MYLIP: variants seen among roughly 807,000 people sequenced by gnomAD.
MYLIP encodes the protein myosin regulatory light chain interacting protein.
Under a neutral mutation model 45.8 loss-of-function variants are expected in MYLIP, and 26 were observed. The ratio of observed to expected loss-of-function variants is 0.57; its 90% confidence interval spans 0.42 to 0.79. MYLIP has a LOEUF of 0.79. Ranked by LOEUF, MYLIP falls within the 30% of genes least tolerant of loss-of-function variation. MYLIP has a pLI of 0.00. For missense variants in MYLIP, 494 were observed against 555.6 expected (o/e 0.89, Z 1.11); for synonymous variants, 213 against 218.1 (o/e 0.98, Z 0.21).
intron 6 of MYLIP, 66 bp downstream of exon 6, chr6:16,145,383 G>T: frequency 1.3e-6 from 2 of 1,507,526 alleles, no homozygotes; most frequent in Non-Finnish European, 1.8e-6. Context: ...CGGGGAGTAG[G>T]AGCCAGGTAC....
downstream of MYLIP, among the ~76,000 whole-genome samples, chr6:16,151,222 T>TA (rs1450804444): frequency 2.0e-5 from 3 of 149,152 alleles, no homozygotes; most frequent in African/African-American, 7.4e-5. Flanking sequence ...CCAGGCACGG[T>TA]AGCGGGTGCC....
chr6:16,150,563 G>A (rs1759863645), downstream of MYLIP, among the ~76,000 whole-genome samples: 1 of 152,126 alleles, frequency 6.6e-6, no homozygotes, highest in Admixed American at 6.5e-5. Flanking sequence ...CTACAGTGGT[G>A]CATGCTTGTA....
chr6:16,130,465 A>G (rs917324662), intron 1 of MYLIP, 92 bp from the exon 2 acceptor site: 8 of 1,326,736 alleles, frequency 6.0e-6, no homozygotes, highest in Non-Finnish European at 8.4e-6. Flanking sequence ...GAACTTTGTA[A>G]AAAGCACCAG....
At chr6:16,136,024 C>T (rs967121595) in intron 2 of MYLIP, among the ~76,000 whole-genome samples, 2 of 151,718 alleles carry the variant, frequency 1.3e-5, no homozygotes, top group African/African-American at 4.8e-5. Flanking sequence ...TATGTTTCCC[C>T]GTAAATACTT....
chr6:16,151,102 C>A (rs1445454919), downstream of MYLIP, among the ~76,000 whole-genome samples: 2 of 152,034 alleles, frequency 1.3e-5, no homozygotes, highest in Non-Finnish European at 2.9e-5. Flanking sequence ...GTAACCCCAG[C>A]ACTTTGGGAG....
chr6:16,154,966 T>C, the MYLIP span, among the ~76,000 whole-genome samples: 1 of 152,190 alleles, frequency 6.6e-6, no homozygotes, highest in Non-Finnish European at 1.5e-5. Flanking sequence ...AGTGCTCTAT[T>C]TGACTCACTG....
At position 16,129,756 on chromosome 6, in the gene MYLIP, T is replaced by A. The variant is rs1483115814; in HGVS notation, c.87+347T>A. Among the ~76,000 whole-genome samples the A allele has an allele frequency of 6.6e-6, 1 of 152,188 alleles. No individual in the cohort carries two copies. Among genetic ancestry groups the A allele is most frequent in the Non-Finnish European group, 1.5e-5 (1 of 68,032 alleles). On this transcript the variant is annotated intron_variant, in intron 1 of 6. Coordinates refer to ENST00000356840, the MANE Select transcript of MYLIP (RefSeq NM_013262.4). The surrounding 1 kb of genome is among the most constrained non-coding windows in gnomAD (Gnocchi z 5.1). ...CCGCAGGTATGTGCGTGATGCCGCC[T>A]GTCGGGTCCCCGCGGCGCCTGGCAG...
chr6:16,135,748 C>CATATAT lies in MYLIP; in HGVS notation c.278+5002_278+5007dup, dbSNP rs765116596. 9.2e-3 allele frequency among the ~76,000 whole-genome samples: 1,040 copies of CATATAT among 113,078 alleles called. 18 individuals are homozygous for CATATAT. Among genetic ancestry groups the CATATAT allele is most frequent in the South Asian group, 0.022 (75 of 3,358 alleles). 74.2% of individuals were successfully genotyped at this position (113,078 alleles called of 152,430 possible). ...TACACACATTATATGTGTGTGTATA[C>CATATAT]ATATATCTATATATATATATATATA... On this transcript the variant is annotated intron_variant, in intron 2 of 6. Transcript: ENST00000356840.
chr6:16,137,741 T>C (rs1759584466), intron 2 of MYLIP, among the ~76,000 whole-genome samples: 1 of 152,192 alleles, frequency 6.6e-6, no homozygotes, highest in South Asian at 2.1e-4. Context: ...AAAAGATAAA[T>C]GATCTAACTT....
At chr6:16,135,165 TC>T (rs1759525030) in intron 2 of MYLIP, among the ~76,000 whole-genome samples, 1 of 152,204 alleles carries the variant, frequency 6.6e-6, no homozygotes, top group Non-Finnish European at 1.5e-5. Context: ...TCCTGAACCT[TC>T]CTGGCCTCAT....
intron 5 of MYLIP, 139 bp downstream of exon 5, chr6:16,144,002 C>T (rs968791781): frequency 1.4e-5 from 14 of 1,025,518 alleles, no homozygotes; most frequent in East Asian, 5.2e-5. Context: ...ATTTTGTTTC[C>T]GTAGTAGCAG....
intron 2 of MYLIP, among the ~76,000 whole-genome samples, chr6:16,136,708 T>G (rs557776130): frequency 6.6e-6 from 1 of 152,348 alleles, no homozygotes; most frequent in East Asian, 1.9e-4. Context: ...CCAGCAAGAA[T>G]GTAAGAGTCT....
chr6:16,145,889 C>T (rs910385962), intron 6 of MYLIP, among the ~76,000 whole-genome samples: 1 of 152,130 alleles, frequency 6.6e-6, no homozygotes, highest in African/African-American at 2.4e-5. Context: ...TAGTTTTCTT[C>T]CTTTCTTGCA....
chr6:16,142,923 A>G, intron 3 of MYLIP, 97 bp from the exon 4 acceptor site: 7 of 1,206,018 alleles, frequency 5.8e-6, no homozygotes, highest in Non-Finnish European at 8.3e-6. Context: ...GTTGTGATTC[A>G]TCAGTGTTAG....
In MYLIP at chr6:16,143,768, A is replaced by G. The variant is rs756090946; in HGVS notation, c.732A>G (p.Glu244=). 6.2e-7 allele frequency: 1 copy of G among 1,614,074 alleles called. No individual in the cohort carries two copies. The highest frequency in any genetic ancestry group is 2.2e-5 in the East Asian group (1 of 44,878). Residue 244 remains glutamate, a synonymous_variant, in exon 5 of 7, where the codon GAA becomes GAG. Coordinates refer to ENST00000356840, the MANE Select transcript of MYLIP (RefSeq NM_013262.4). ...GKNVYLTVTK[E]SGNSIVLLFK... is the part of the protein sequence containing the mutation. ...ATGTATATTTGACGGTCACCAAGGA[A>G]TCTGGGAACAGCATCGTGCTCTTGT... is the stretch of plus-strand genomic sequence containing the variant.
At chr6:16,149,345 G>A (rs897391950), downstream of MYLIP, among the ~76,000 whole-genome samples, 3 of 152,186 alleles carry the variant, frequency 2.0e-5, no homozygotes, top group Admixed American at 6.5e-5. Context: ...TATATTACAT[G>A]GTGGCATCAT....
At chr6:16,137,414 G>A (rs1378782442) in intron 2 of MYLIP, among the ~76,000 whole-genome samples, 1 of 152,106 alleles carries the variant, frequency 6.6e-6, no homozygotes, top group Non-Finnish European at 1.5e-5. Flanking sequence ...TGGCTCTCCA[G>A]GAGAAATACA....
rs962366977 is a variant in MYLIP, at chr6:16,147,315, G to A, written c.*564G>A. ...AAACAGGTTTACAAATCAATTCTGT[G>A]ACTTTTAAAAAGTTGACAATGTTGT... On this transcript the variant is annotated 3_prime_UTR_variant, in exon 7 of 7. Transcript: ENST00000356840. The A allele has an allele frequency of 6.5e-6, 1 of 153,294 alleles. No individual in the cohort carries two copies. Among genetic ancestry groups the A allele is most frequent in the Non-Finnish European group, 1.5e-5 (1 of 68,528 alleles). The allele number at this position is 153,294 out of a possible 1,614,324, so 9.5% of individuals were successfully genotyped here.
chr6:16,152,145 G>C (rs1759886403), downstream of MYLIP, among the ~76,000 whole-genome samples: 1 of 152,144 alleles, frequency 6.6e-6, no homozygotes, highest in African/African-American at 2.4e-5. Context: ...AGGAGCAAAG[G>C]GTACAAGAGA....
Sources: allele counts gnomAD v4.1 joint callset (sites outside exome capture counted in the v4.1 genomes callset), GRCh38; gene constraint gnomAD v4.1.1; non-coding constraint Gnocchi (gnomAD v3.1); transcripts MANE v1.5; gene names NCBI Gene and HGNC (gene_info 2026-07-23, HGNC 2026-07-21).